The following EXOC4 variants were observed in gnomAD, a reference collection of about 807,000 sequenced individuals.
EXOC4 encodes the protein SEC8-like 1.
A neutral mutation model predicts 107.2 loss-of-function variants in EXOC4; 71 were observed. The observed-to-expected ratio is 0.66, with a 90% CI of 0.55 to 0.81. The LOEUF (loss-of-function observed/expected upper bound fraction) is 0.81, where lower values mean the gene tolerates loss of function less well. Ranked by LOEUF, EXOC4 falls within the 30% of genes least tolerant of loss-of-function variation. EXOC4 has a pLI of 0.00. For synonymous variants in EXOC4, 456 were observed against 441.2 expected (o/e 1.03, Z -0.42); for missense variants, 1,108 against 1,189.6 (o/e 0.93, Z 1.01).
At chr7:134,073,227 A>AAG in the EXOC4 span, among the ~76,000 whole-genome samples, 3 of 18,114 alleles carry the variant, frequency 1.7e-4, no homozygotes, top group African/African-American at 8.5e-4. Flanking sequence ...AAAAAAAAAA[A>AAG]AAAAACAACA....
intron 5 of EXOC4, among the ~76,000 whole-genome samples, chr7:133,337,375 T>G (rs1049098157): frequency 2.0e-5 from 3 of 152,132 alleles, no homozygotes; most frequent in Non-Finnish European, 4.4e-5. Flanking sequence ...GTGAAACCAT[T>G]TGTGTTTGGT....
intron 12 of EXOC4, among the ~76,000 whole-genome samples, chr7:133,914,334 A>G (rs1799758883): frequency 6.6e-6 from 1 of 152,238 alleles, no homozygotes; most frequent in African/African-American, 2.4e-5. Context: ...TGAGTGGGCT[A>G]CAGAGGTTTC....
At chr7:133,710,378 C>T (rs570143414) in intron 10 of EXOC4, among the ~76,000 whole-genome samples, 2 of 152,168 alleles carry the variant, frequency 1.3e-5, no homozygotes, top group African/African-American at 2.4e-5. Context: ...TTGGTAGTTG[C>T]GGCCGGGCGC....
intron 11 of EXOC4, among the ~76,000 whole-genome samples, chr7:133,871,866 A>G (rs1194941985): frequency 6.6e-6 from 1 of 152,228 alleles, no homozygotes; most frequent in Non-Finnish European, 1.5e-5. Flanking sequence ...TGAGGACCAA[A>G]TGAGTTAATA....
At chr7:133,371,937 G>A (rs1277055651) in intron 6 of EXOC4, among the ~76,000 whole-genome samples, 1 of 152,102 alleles carries the variant, frequency 6.6e-6, no homozygotes, top group Non-Finnish European at 1.5e-5. Flanking sequence ...CTAGTGGACC[G>A]AAATTCTAGC....
At chr7:133,868,315 G>A (rs1028680665) in intron 11 of EXOC4, among the ~76,000 whole-genome samples, 6 of 152,138 alleles carry the variant, frequency 3.9e-5, no homozygotes, top group African/African-American at 1.2e-4. Flanking sequence ...TTGAAGGTCT[G>A]GCTGTCAATA....
intron 17 of EXOC4, among the ~76,000 whole-genome samples, chr7:134,038,248 G>A (rs151087571): frequency 2.6e-5 from 4 of 152,302 alleles, no homozygotes; most frequent in South Asian, 2.1e-4. Flanking sequence ...ACTTTCACAC[G>A]GCAAATTGAG....
At chr7:134,067,634 TATATACACACACACACAC>T (rs1196121309), downstream of EXOC4, among the ~76,000 whole-genome samples, 1 of 133,758 alleles carries the variant, frequency 7.5e-6, no homozygotes, top group Non-Finnish European at 1.6e-5. Flanking sequence ...CTTATATATA[TATATACACACACACACAC>T]ACACACACAC....
chr7:133,304,061 A>G (rs1794700187), intron 3 of EXOC4, among the ~76,000 whole-genome samples: 1 of 152,236 alleles, frequency 6.6e-6, no homozygotes, highest in Non-Finnish European at 1.5e-5. Flanking sequence ...ATCTTCATGT[A>G]CATTCCTACA....
chr7:133,777,792 G>C (rs1008225228), intron 10 of EXOC4, among the ~76,000 whole-genome samples: 1 of 152,136 alleles, frequency 6.6e-6, no homozygotes, highest in Admixed American at 6.5e-5. Flanking sequence ...CCTTTTATAA[G>C]GTTGTTGTAA....
intron 11 of EXOC4, among the ~76,000 whole-genome samples, chr7:133,852,771 A>G (rs1458355014): frequency 2.6e-5 from 4 of 152,318 alleles, no homozygotes; most frequent in Non-Finnish European, 4.4e-5. Flanking sequence ...GGAACAAGTA[A>G]AAGCTTATAG....
chr7:133,327,029 G>A (rs538996634), intron 5 of EXOC4, among the ~76,000 whole-genome samples: 36 of 152,236 alleles, frequency 2.4e-4, no homozygotes, highest in Admixed American at 5.9e-4. Flanking sequence ...ATAATCTCCC[G>A]GTGTGCCATT....
At chr7:133,376,094 T>C (rs1239548571) in intron 7 of EXOC4, among the ~76,000 whole-genome samples, 2 of 152,168 alleles carry the variant, frequency 1.3e-5, no homozygotes, top group Non-Finnish European at 2.9e-5. Flanking sequence ...AAATCATGAA[T>C]GTAAATTATA....
intron 10 of EXOC4, among the ~76,000 whole-genome samples, chr7:133,792,862 G>A (rs1233914726): frequency 1.3e-5 from 2 of 152,058 alleles, no homozygotes; most frequent in African/African-American, 4.8e-5. Context: ...CCAAATAATA[G>A]AATAGTCAAT....
intron 10 of EXOC4, among the ~76,000 whole-genome samples, chr7:133,712,473 A>G (rs1024403985): frequency 2.7e-4 from 27 of 99,950 alleles, no homozygotes; most frequent in Admixed American, 2.2e-3. Flanking sequence ...AAAAAAAAAA[A>G]TGGAGCGCTC....
chr7:133,971,593 T>G (rs1413322704), intron 14 of EXOC4, among the ~76,000 whole-genome samples: 1 of 152,008 alleles, frequency 6.6e-6, no homozygotes, highest in Non-Finnish European at 1.5e-5. Context: ...TTGCAGAAAC[T>G]AATGGAAAAC....
chr7:133,856,958 C>A (rs1349557024), intron 11 of EXOC4, among the ~76,000 whole-genome samples: 18 of 149,946 alleles, frequency 1.2e-4, no homozygotes, highest in Non-Finnish European at 2.7e-4. Context: ...AAAATTAGGC[C>A]TGGTGGCACA....
rs544369300 is a variant in EXOC4, at chr7:133,300,440, A to G, written c.472-5437A>G. Among the ~76,000 whole-genome samples, 7 of 152,276 alleles carry G rather than the reference A, an allele frequency of 4.6e-5. No individual in the cohort carries two copies. In the East Asian group the frequency reaches 9.7e-4, roughly 21 times the overall value. Reference sequence around the variant, plus strand: ...CGCAAGAGTCCCTGAAATCTTCACAATAGCCCTGACCCTTGAATGAATCCC... The same window carrying G: ...CGCAAGAGTCCCTGAAATCTTCACAGTAGCCCTGACCCTTGAATGAATCCC... On this transcript the variant is annotated intron_variant, in intron 3 of 17. Transcript: ENST00000253861.
intron 5 of EXOC4, among the ~76,000 whole-genome samples, chr7:133,340,895 T>G (rs1348899976): frequency 6.6e-6 from 1 of 152,162 alleles, no homozygotes; most frequent in Non-Finnish European, 1.5e-5. Flanking sequence ...CTAATTCAGT[T>G]TATTTGGATC....
Sources: gnomAD v4.1 joint callset for allele counts (sites outside exome capture counted in the v4.1 genomes callset) on GRCh38, gnomAD v4.1.1 for gene constraint, MANE v1.5 for transcripts, NCBI Gene and HGNC (gene_info 2026-07-23, HGNC 2026-07-21) for gene names.